The following PLB1 variants were observed in gnomAD, a reference collection of about 807,000 sequenced individuals.
The protein encoded by PLB1 is phospholipase B1, membrane-associated.
Under a neutral mutation model 227.4 loss-of-function variants are expected in PLB1, and 242 were observed. The observed-to-expected ratio is 1.06, with a 90% CI of 0.96 to 1.18. The LOEUF (loss-of-function observed/expected upper bound fraction) is 1.18, where lower values mean the gene tolerates loss of function less well. Among genes scored for constraint, PLB1 ranks in the 50% most tolerant of loss-of-function variants. The pLI is 0.00. For synonymous variants in PLB1, 757 were observed against 682.2 expected, an observed-to-expected ratio of 1.11 and a Z score of -1.71; for missense variants, 1,858 against 1,816.3, an observed-to-expected ratio of 1.02 and a Z score of -0.42.
In PLB1 at chr2:28,539,155, T is replaced by G. The variant is rs751186802; in HGVS notation, c.675T>G (p.Arg225=). 4 of 1,613,934 alleles carry G rather than the reference T, an allele frequency of 2.5e-6. No individual in the cohort carries two copies. The Admixed American group carries it at 5.0e-5, about 20-fold the overall frequency. The change falls in exon 11 of 58, where the codon CGT becomes CGG. Residue 225 remains arginine (R), a synonymous_variant. Transcript: ENST00000327757. ...VDLSEVAEVS[R]QYHGTWLSPA... ...TCTCTGAGGTTGCAGAGGTCTCTCG[T>G]CAGTATCACGGCACTTGGCTCAGGT...
At chr2:28,600,419 C>T (rs1297452994) in intron 35 of PLB1, among the ~76,000 whole-genome samples, 1 of 152,106 alleles carries the variant, frequency 6.6e-6, no homozygotes, top group African/African-American at 2.4e-5. Flanking sequence ...TTCCTGGCAG[C>T]CAGAGTGAAA....
chr2:28,582,518 C>G lies in PLB1; in HGVS notation c.1733+13C>G, dbSNP rs755496965. ...GGATGATCCTCAGGTCAGACAGATA[C>G]TTCTCCCCGATTCTACTAAGAATCC... On this transcript the variant is annotated intron_variant, in intron 25 of 57. Coordinates refer to ENST00000327757, the MANE Select transcript of PLB1 (RefSeq NM_153021.5). 3.2e-6 allele frequency: 5 copies of G among 1,573,726 alleles called. No homozygotes were observed. The highest frequency in any genetic ancestry group is 4.3e-6 in the Non-Finnish European group (5 of 1,151,964).
intron 7 of PLB1, 81 bp downstream of exon 7, chr2:28,529,488 G>T: frequency 8.0e-7 from 1 of 1,250,370 alleles, no homozygotes; most frequent in South Asian, 1.2e-5. Flanking sequence ...TTGGGGGGCT[G>T]GCAAAGTCAA....
intron 18 of PLB1, among the ~76,000 whole-genome samples, chr2:28,564,656 G>A (rs1232170372): frequency 3.3e-5 from 5 of 152,166 alleles, no homozygotes; most frequent in Admixed American, 2.6e-4. Flanking sequence ...AAGGAACTGG[G>A]CACCAGAGAG....
rs146727200 is a variant in PLB1 at position 28,504,430 on chromosome 2, G to A, written c.55+8261G>A. Among the ~76,000 whole-genome samples, 828 of 152,226 alleles carry A rather than the reference G, an allele frequency of 5.4e-3. 3 individuals carry two copies. Among genetic ancestry groups the A allele is most frequent in the African/African-American group, 0.019 (792 of 41,538 alleles). The stretch of plus-strand genomic sequence containing the variant: ...GGATTCCCATAAAAACTTCAAGTTT[G>A]TCTTATTTTAAAAAACATAGTCATT... On this transcript the variant is annotated intron_variant, in intron 1 of 57. Transcript: ENST00000327757.
intron 56 of PLB1, among the ~76,000 whole-genome samples, chr2:28,634,565 C>T (rs746753565): frequency 2.6e-5 from 4 of 152,150 alleles, no homozygotes; most frequent in South Asian, 2.1e-4. Context: ...GCCATAGTGA[C>T]GGCTGGAACA....
intron 21 of PLB1, among the ~76,000 whole-genome samples, chr2:28,574,549 ATTTTTTTTTTTT>A (rs55675067): frequency 1.3e-3 from 169 of 130,142 alleles, no homozygotes; most frequent in East Asian, 5.5e-3. Context: ...TTCCCGGCTA[ATTTTTTTTTTTT>A]TTTTTTTTTT....
At chr2:28,592,792 G>A (rs1682197201) in intron 32 of PLB1, 73 bp downstream of exon 32, 1 of 1,409,306 alleles carries the variant, frequency 7.1e-7, no homozygotes, top group South Asian at 1.2e-5. Context: ...CTTAACTTAA[G>A]GGTCTGCATG....
At chr2:28,606,470 G>A (rs781167802) in intron 42 of PLB1, 26 bp from the exon 43 acceptor site, 56 of 1,605,266 alleles carry the variant, frequency 3.5e-5, no homozygotes, top group Admixed American at 1.7e-4. Flanking sequence ...TACTACACCC[G>A]TGTCTCTCTT....
chr2:28,550,873 G>A (rs577468702), intron 16 of PLB1, among the ~76,000 whole-genome samples: 6 of 152,072 alleles, frequency 3.9e-5, no homozygotes, highest in African/African-American at 1.2e-4. Flanking sequence ...TGGAACTCCC[G>A]CTGCCCCTAG....
chr2:28,614,149 C>A, intron 44 of PLB1, 53 bp downstream of exon 44: 1 of 1,496,248 alleles, frequency 6.7e-7, no homozygotes, highest in East Asian at 2.3e-5. Context: ...TTCCACCTGC[C>A]AGGGGCTCGG....
At chr2:28,566,727 A>G (rs945803745) in intron 19 of PLB1, 69 bp from the exon 20 acceptor site, 2 of 1,546,286 alleles carry the variant, frequency 1.3e-6, no homozygotes, top group Non-Finnish European at 1.8e-6. Flanking sequence ...GTTTCTGGCT[A>G]GTGTCTGAAG....
At chr2:28,585,676 T>G in intron 25 of PLB1, 85 bp from the exon 26 acceptor site, 3 of 1,117,452 alleles carry the variant, frequency 2.7e-6, no homozygotes, top group Non-Finnish European at 4.1e-6. Context: ...AGAAATGTAT[T>G]GAGTCTCAAG....
chr2:28,550,997 G>A (rs1674159219), intron 16 of PLB1, among the ~76,000 whole-genome samples: 1 of 152,188 alleles, frequency 6.6e-6, no homozygotes, highest in Admixed American at 6.5e-5. Flanking sequence ...CTCCCCCACA[G>A]TTCATCTTCC....
intron 7 of PLB1, 56 bp from the exon 8 acceptor site, chr2:28,529,672 G>GC: frequency 1.9e-6 from 3 of 1,546,832 alleles, no homozygotes; most frequent in Non-Finnish European, 1.8e-6. Context: ...CAAGCTTCCA[G>GC]CCCTTAACAA....
rs1205583658 is a variant in PLB1, at chr2:28,643,021, G to A, written c.4337G>A (p.Arg1446Lys). The A allele has an allele frequency of 6.2e-7, 1 of 1,610,488 alleles. No homozygotes were observed. Among genetic ancestry groups the A allele is most frequent in the South Asian group, 1.1e-5 (1 of 90,132 alleles). ...VVWRCRRGGR[R>K]EDPPMSLRTV... ...TGGAGGTGCAGGAGAGGTGGCCGGAGGGAAGATCCTCCAATGAGCCTGCGC... is the reference window on the plus strand; with the variant it reads ...TGGAGGTGCAGGAGAGGTGGCCGGAAGGAAGATCCTCCAATGAGCCTGCGC... The change falls in exon 58 of 58, where the codon AGG becomes AAG. Residue 1446 changes from arginine (R) to lysine (K), a missense_variant. Coordinates refer to ENST00000327757, the MANE Select transcript of PLB1 (RefSeq NM_153021.5).
intron 17 of PLB1, among the ~76,000 whole-genome samples, chr2:28,559,850 C>G (rs1675767949): frequency 1.4e-5 from 2 of 141,804 alleles, no homozygotes; most frequent in Admixed American, 7.6e-5. Flanking sequence ...CTCCCAGGTT[C>G]AAGCAATTCT....
intron 56 of PLB1, among the ~76,000 whole-genome samples, chr2:28,638,471 G>A (rs1689619420): frequency 1.3e-5 from 2 of 152,104 alleles, no homozygotes; most frequent in South Asian, 4.2e-4. Context: ...GCTTACCCCT[G>A]GGTCCGTGTA....
chr2:28,504,065 C>G (rs948535375), intron 1 of PLB1, among the ~76,000 whole-genome samples: 4 of 152,212 alleles, frequency 2.6e-5, no homozygotes, highest in Admixed American at 2.0e-4. Context: ...GGCTTGATTA[C>G]TTCCATCAGT....
Sources: gnomAD v4.1 joint callset for allele counts (sites outside exome capture counted in the v4.1 genomes callset) on GRCh38, gnomAD v4.1.1 for gene constraint, MANE v1.5 for transcripts, NCBI Gene and HGNC (gene_info 2026-07-23, HGNC 2026-07-21) for gene names.